The following THUMPD2 variants were observed in gnomAD, a reference collection of about 807,000 sequenced individuals.
THUMPD2 encodes the protein THUMP domain 2 tRNA and snRNA guanosine methyltransferase.
THUMPD2 carries 56 observed loss-of-function variants against 49.4 expected under a neutral mutation model. That is an observed-to-expected ratio of 1.13 (90% CI 0.91 to 1.41). The LOEUF (loss-of-function observed/expected upper bound fraction) is 1.41. Ranked by LOEUF, THUMPD2 falls within the 40% of genes most tolerant of loss-of-function variation. The pLI, the probability that THUMPD2 is intolerant of heterozygous loss-of-function variation, is 0.00. For missense variants in THUMPD2, 709 were observed against 594.5 expected (o/e 1.19, Z -2.00); for synonymous variants, 237 against 205.2 (o/e 1.15, Z -1.32).
intron 9 of THUMPD2, among the ~76,000 whole-genome samples, chr2:39,743,001 A>C (rs528951702): frequency 1.0e-3 from 153 of 152,290 alleles, no homozygotes; most frequent in African/African-American, 3.6e-3. Flanking sequence ...GGTAGCAGGG[A>C]AAGTTGCTTA....
chr2:39,745,342 G>C (rs1190182594), intron 8 of THUMPD2, among the ~76,000 whole-genome samples: 1 of 152,128 alleles, frequency 6.6e-6, no homozygotes, highest in Non-Finnish European at 1.5e-5. Context: ...ATGACTACTT[G>C]CTAGATCTCT....
At chr2:39,767,757 G>A (rs1038475009) in intron 4 of THUMPD2, among the ~76,000 whole-genome samples, 6 of 151,736 alleles carry the variant, frequency 4.0e-5, no homozygotes, top group South Asian at 2.1e-4. Context: ...TCAGACAAGC[G>A]CAAATCTAAA....
chr2:39,760,977 T>C (rs1428478854), intron 6 of THUMPD2, among the ~76,000 whole-genome samples: 4 of 152,206 alleles, frequency 2.6e-5, no homozygotes, highest in African/African-American at 9.6e-5. Flanking sequence ...AGTCATCTTA[T>C]GTCCATAGAA....
chr2:39,768,370 C>CT, intron 4 of THUMPD2, 54 bp downstream of exon 4: 1 of 1,404,360 alleles, frequency 7.1e-7, no homozygotes, highest in Non-Finnish European at 1.0e-6. Flanking sequence ...ATACAGGACA[C>CT]TGTCTTTAAA....
At chr2:39,738,435 G>T (rs1045040201) in intron 9 of THUMPD2, among the ~76,000 whole-genome samples, 11 of 151,830 alleles carry the variant, frequency 7.2e-5, no homozygotes, top group Non-Finnish European at 1.3e-4. Context: ...GTGGTGGCGT[G>T]TGCCTGTAAT....
At chr2:39,779,067 G>C in intron 1 of THUMPD2, 47 bp downstream of exon 1, 7 of 1,461,290 alleles carry the variant, frequency 4.8e-6, no homozygotes, top group Non-Finnish European at 6.3e-6. Context: ...CAACAGGGCA[G>C]GGACAGGGCC....
chr2:39,769,570 C>T (rs568946312), intron 3 of THUMPD2, 140 bp downstream of exon 3: 56 of 756,294 alleles, frequency 7.4e-5, no homozygotes, highest in African/African-American at 4.9e-4. Context: ...GGTGTGGTGA[C>T]GCACACCTGT....
intron 5 of THUMPD2, among the ~76,000 whole-genome samples, chr2:39,762,501 A>T (rs1419573988): frequency 2.6e-5 from 4 of 152,108 alleles, no homozygotes; most frequent in Admixed American, 1.3e-4. Context: ...TATAATGAGG[A>T]AGTTCTACAT....
chr2:39,753,384 T>C (rs1365160635), intron 8 of THUMPD2, among the ~76,000 whole-genome samples: 1 of 152,306 alleles, frequency 6.6e-6, no homozygotes, highest in South Asian at 2.1e-4. Flanking sequence ...CTTTACCAGA[T>C]GCTCACCTTC....
intron 8 of THUMPD2, among the ~76,000 whole-genome samples, chr2:39,749,350 C>A (rs78474002): frequency 0.021 from 3,184 of 152,284 alleles, 119 homozygotes; most frequent in African/African-American, 0.073. Flanking sequence ...TGATACAAAA[C>A]TGGCAACATT....
chr2:39,775,577 C>T (rs982003159), intron 1 of THUMPD2, among the ~76,000 whole-genome samples: 1 of 151,858 alleles, frequency 6.6e-6, no homozygotes, highest in Non-Finnish European at 1.5e-5. Context: ...CAAGACCAGC[C>T]TGGCCAACAT....
intron 7 of THUMPD2, 99 bp from the exon 8 acceptor site, chr2:39,755,508 A>G (rs1675982112): frequency 1.3e-6 from 1 of 768,958 alleles, no homozygotes; most frequent in African/African-American, 1.8e-5. Context: ...AAGTGAAATT[A>G]GTAGATTTTA....
intron 5 of THUMPD2, among the ~76,000 whole-genome samples, chr2:39,762,872 C>T (rs901184887): frequency 6.6e-6 from 1 of 151,088 alleles, no homozygotes; most frequent in African/African-American, 2.4e-5. Context: ...TTATATGGAA[C>T]CTTTCAAAGT....
At chr2:39,774,545 C>T (rs1383866695) in intron 1 of THUMPD2, among the ~76,000 whole-genome samples, 1 of 152,162 alleles carries the variant, frequency 6.6e-6, no homozygotes, top group Non-Finnish European at 1.5e-5. Context: ...AAATAGTACT[C>T]ACTGTGAGAA....
chr2:39,759,097 T>C (rs532791057), intron 6 of THUMPD2, among the ~76,000 whole-genome samples: 228 of 152,170 alleles, frequency 1.5e-3, no homozygotes, highest in Middle Eastern at 0.014. Context: ...AGGGAAATCA[T>C]GTCAAAAGGA....
intron 1 of THUMPD2, 41 bp downstream of exon 1, chr2:39,779,073 G>A: frequency 6.8e-7 from 1 of 1,479,870 alleles, no homozygotes; most frequent in Non-Finnish European, 8.9e-7. Flanking sequence ...GGCAGGGACA[G>A]GGCCGCCCAC....
At chr2:39,739,401 C>G (rs1265344888) in intron 9 of THUMPD2, among the ~76,000 whole-genome samples, 2 of 152,188 alleles carry the variant, frequency 1.3e-5, no homozygotes, top group Non-Finnish European at 2.9e-5. Flanking sequence ...TCACGCCCCA[C>G]AGTCAAATAT....
intron 1 of THUMPD2, among the ~76,000 whole-genome samples, chr2:39,775,716 T>C (rs1448798622): frequency 7.3e-6 from 1 of 136,788 alleles, no homozygotes; most frequent in African/African-American, 2.8e-5. Context: ...TGAGCCAAGA[T>C]TGCGCCACTG....
At chr2:39,775,361 C>T (rs1678934419) in intron 1 of THUMPD2, among the ~76,000 whole-genome samples, 1 of 152,076 alleles carries the variant, frequency 6.6e-6, no homozygotes, top group South Asian at 2.1e-4. Flanking sequence ...CTACAGATGC[C>T]ATTTAGTTAC....
Sources: allele counts gnomAD v4.1 joint callset (sites outside exome capture counted in the v4.1 genomes callset), GRCh38; gene constraint gnomAD v4.1.1; transcripts MANE v1.5; gene names NCBI Gene and HGNC (gene_info 2026-07-23, HGNC 2026-07-21).